FANK1: variants seen among roughly 807,000 people sequenced by gnomAD.
FANK1 encodes fibronectin type 3 and ankyrin repeat domains protein 1.
In FANK1, 44 loss-of-function variants were observed where a neutral mutation model predicts 45.3. The ratio of observed to expected loss-of-function variants is 0.97; its 90% CI spans 0.76 to 1.25. The LOEUF (loss-of-function observed/expected upper bound fraction) is 1.25. FANK1 is among the 50% of genes most tolerant of loss of function. The pLI is 0.00. For missense variants in FANK1, 391 were observed against 424.4 expected (o/e 0.92, Z 0.69); for synonymous variants, 149 against 152.5 (o/e 0.98, Z 0.17).
chr10:125,988,919 C>A, intron 3 of FANK1: 1 of 623,346 alleles, frequency 1.6e-6, no homozygotes, highest in Non-Finnish European at 2.8e-6. Flanking sequence ...AGTAGCCATT[C>A]AGCACAAAAG....
rs1311219880 is a variant in FANK1, at chr10:126,008,442, A to G, written c.741A>G (p.Pro247=). 1 of 1,612,732 alleles carries G rather than the reference A, an allele frequency of 6.2e-7. No individual in the cohort carries two copies. Among genetic ancestry groups the G allele is most frequent in the African/African-American group, 1.3e-5 (1 of 74,808 alleles). The change falls in exon 8 of 11, where the codon CCA becomes CCG. Residue 247 remains proline (P), a synonymous_variant. Transcript: ENST00000368693. ...TGGACACTGGTTCAGGATGGACCCC[A>G]CTCATGAGAGTCTCTGCGGTGTCGG... The part of the protein sequence containing the change: ...DVVDTGSGWT[P]LMRVSAVSGN...
At chr10:125,979,777 A>G (rs1217539992) in intron 1 of FANK1, 2 of 460,160 alleles carry the variant, frequency 4.3e-6, no homozygotes, top group East Asian at 6.8e-5. Flanking sequence ...TATGTTCCAC[A>G]TACTTGGATC....
At chr10:125,969,262 C>A (rs1308421959) in intron 1 of FANK1, among the ~76,000 whole-genome samples, 3 of 148,364 alleles carry the variant, frequency 2.0e-5, no homozygotes, top group East Asian at 4.0e-4. Flanking sequence ...TTTTAGAAAA[C>A]AAAATCTTTA....
intron 1 of FANK1, among the ~76,000 whole-genome samples, chr10:125,920,070 G>C (rs1223059821): frequency 6.6e-6 from 1 of 152,190 alleles, no homozygotes; most frequent in Admixed American, 6.5e-5. Context: ...GGACTTGGGA[G>C]ATGACTCCTG....
intron 2 of FANK1, among the ~76,000 whole-genome samples, chr10:125,985,176 T>C (rs137931145): frequency 6.6e-6 from 1 of 152,360 alleles, no homozygotes; most frequent in East Asian, 1.9e-4. Flanking sequence ...CAATACTGAA[T>C]TTTATTGGGA....
intron 1 of FANK1, among the ~76,000 whole-genome samples, chr10:125,954,022 G>C (rs1949417314): frequency 6.6e-6 from 1 of 152,214 alleles, no homozygotes; most frequent in Non-Finnish European, 1.5e-5. Context: ...ACCGAACGAA[G>C]GAGGGAAGGG....
chr10:126,000,372 T>C (rs761981632), intron 6 of FANK1, among the ~76,000 whole-genome samples: 36 of 152,162 alleles, frequency 2.4e-4, no homozygotes, highest in Non-Finnish European at 3.1e-4. Flanking sequence ...TAGTAATTAA[T>C]GTAGTATGAT....
rs60627576 is a variant in FANK1 at position 125,981,496 on chromosome 10, C to CAAAAAAAA, written c.191+1170_191+1177dup. 2.6e-3 allele frequency among the ~76,000 whole-genome samples: 301 copies of CAAAAAAAA among 117,292 alleles called. 2 individuals carry two copies. The highest frequency in any genetic ancestry group is 9.8e-3 in the African/African-American group (287 of 29,276). The allele number at this position is 117,292 out of a possible 152,430, so 76.9% of individuals were successfully genotyped here. A position where few individuals can be genotyped will look rare whatever the true frequency, so the allele number is the denominator to read the frequency against. On this transcript the variant is annotated intron_variant, in intron 2 of 10. Coordinates refer to ENST00000368693, the MANE Select transcript of FANK1 (RefSeq NM_145235.5). ...TGGGTGACAGAGTGAGACCCTGTCT[C>CAAAAAAAA]AAAAAAAAAAAAAAAAAAAGTTATG...
intron 3 of FANK1, among the ~76,000 whole-genome samples, chr10:125,994,218 T>TG (rs1484267330): frequency 6.7e-6 from 1 of 150,112 alleles, no homozygotes; most frequent in Non-Finnish European, 1.5e-5. Context: ...TAGGGTGCAG[T>TG]GGGGGAGGAT....
chr10:125,977,954 G>A (rs1197156231), intron 1 of FANK1, among the ~76,000 whole-genome samples: 1 of 152,204 alleles, frequency 6.6e-6, no homozygotes, highest in Non-Finnish European at 1.5e-5. Context: ...GCCCCTGGAG[G>A]CTCTGTTCGG....
Position 125,934,730 on chromosome 10 carries a change from T to G in FANK1, c.13+38075T>G, listed in dbSNP as rs1025950849. On this transcript the variant is annotated intron_variant, in intron 1 of 10. Coordinates refer to ENST00000368693, the MANE Select transcript of FANK1 (RefSeq NM_145235.5). Reference sequence around the variant, plus strand: ...CACCACCTGTACCCCTACCGTTTTTTTTTTTTTTTTTTTTTTTTTTTTTTT... The same window carrying G: ...CACCACCTGTACCCCTACCGTTTTTGTTTTTTTTTTTTTTTTTTTTTTTTT... Among the ~76,000 whole-genome samples the G allele has an allele frequency of 2.9e-4, 4 of 13,690 alleles. No homozygotes were observed. In the East Asian group the frequency reaches 4.2e-3, roughly 14 times the overall value. 9.0% of individuals were successfully genotyped at this position (13,690 alleles called of 152,430 possible).
intron 3 of FANK1, 24 bp from the exon 4 acceptor site, chr10:125,995,393 C>T: frequency 6.2e-7 from 1 of 1,609,274 alleles, no homozygotes; most frequent in Non-Finnish European, 8.5e-7. Flanking sequence ...TTCTGGATGA[C>T]TGCCTTCCAT....
At chr10:125,940,772 C>G (rs1424641210) in intron 1 of FANK1, among the ~76,000 whole-genome samples, 2 of 152,300 alleles carry the variant, frequency 1.3e-5, no homozygotes, top group South Asian at 4.1e-4. Flanking sequence ...GGCAGAGGTA[C>G]CTGCGGCTTT....
intron 7 of FANK1, among the ~76,000 whole-genome samples, chr10:126,005,307 C>CTTTTTT (rs35163273): frequency 1.6e-5 from 2 of 122,300 alleles, no homozygotes. Flanking sequence ...TACTTTCTTT[C>CTTTTTT]TTTTTTTTTT....
intron 1 of FANK1, among the ~76,000 whole-genome samples, chr10:125,905,609 A>G (rs1340521153): frequency 1.4e-4 from 21 of 152,276 alleles, no homozygotes; most frequent in Admixed American, 4.6e-4. Context: ...TATAATCAGT[A>G]TAAATTCCTT....
At chr10:125,997,374 T>G (rs1326635487) in intron 5 of FANK1, 46 bp from the exon 6 acceptor site, 2 of 1,535,108 alleles carry the variant, frequency 1.3e-6, no homozygotes, top group African/African-American at 2.7e-5. Flanking sequence ...GGGTTCTGAG[T>G]GATCAAGGTG....
chr10:125,999,957 A>G lies in FANK1; in HGVS notation c.539+2472A>G, dbSNP rs182881129. ...AATCAACTTGAAAAACTTAGACTTA[A>G]TAAGGAGGCTCAGTAAAGTGGACAG... On this transcript the variant is annotated intron_variant, in intron 6 of 10. Transcript: ENST00000368693. 7.9e-5 allele frequency among the ~76,000 whole-genome samples: 12 copies of G among 152,334 alleles called. No homozygotes were observed. The East Asian group carries it at 9.7e-4, about 12-fold the overall frequency.
At chr10:125,905,130 CAAA>C (rs11289535) in intron 1 of FANK1, among the ~76,000 whole-genome samples, 4 of 68,122 alleles carry the variant, frequency 5.9e-5, no homozygotes, top group Non-Finnish European at 1.0e-4. Context: ...GACTCTGTCC[CAAA>C]AAAAAAAAAA....
intron 1 of FANK1, among the ~76,000 whole-genome samples, chr10:125,896,961 G>T (rs77139370): frequency 6.6e-6 from 1 of 152,258 alleles, no homozygotes; most frequent in Admixed American, 6.5e-5. Flanking sequence ...CTGAAACTTC[G>T]CCCGGACGGT....
Sources: gnomAD v4.1 joint callset for allele counts (sites outside exome capture counted in the v4.1 genomes callset) on GRCh38, gnomAD v4.1.1 for gene constraint, MANE v1.5 for transcripts, NCBI Gene and HGNC (gene_info 2026-07-23, HGNC 2026-07-21) for gene names.